The following COG5 variants were observed in gnomAD, a reference collection of about 807,000 sequenced individuals.
COG5 encodes conserved oligomeric Golgi complex subunit 5.
COG5 carries 86 observed loss-of-function variants against 110.4 expected under a neutral mutation model. The ratio of observed to expected loss-of-function variants is 0.78; its 90% CI spans 0.65 to 0.93. The LOEUF (loss-of-function observed/expected upper bound fraction) is 0.93. Among genes scored for constraint, COG5 ranks in the 40% least tolerant of loss-of-function variants. COG5 has a pLI of 0.00. For synonymous variants in COG5, 360 were observed against 334.6 expected, an observed-to-expected ratio of 1.08 and a Z score of -0.83; for missense variants, 1,077 against 987.0, an observed-to-expected ratio of 1.09 and a Z score of -1.22.
At chr7:107,358,087 T>C (rs867006307) in intron 10 of COG5, among the ~76,000 whole-genome samples, 3 of 152,162 alleles carry the variant, frequency 2.0e-5, no homozygotes, top group South Asian at 2.1e-4. Context: ...TGTAATAATA[T>C]TACAAACATA....
chr7:107,271,173 C>T (rs961599661), intron 14 of COG5, among the ~76,000 whole-genome samples: 27 of 152,024 alleles, frequency 1.8e-4, no homozygotes, highest in Admixed American at 7.2e-4. Flanking sequence ...CTTGAGCTCA[C>T]GAGTTCCAGG....
In COG5 at chr7:107,298,331, T is replaced by G; in HGVS notation, c.1124A>C (p.Lys375Thr). Residue 375 changes from lysine to threonine, a missense_variant, in exon 12 of 22, where the codon AAG becomes ACG. Physicochemically the swap from Lys to Thr is moderately conservative, Grantham distance 78. Transcript: ENST00000297135. Reference sequence around the variant, plus strand: ...AGGGTATTCTCCTTCAAATGCCTGCTTCAAAAACATCGAAGCTGCCAAGCA... The same window carrying G: ...AGGGTATTCTCCTTCAAATGCCTGCGTCAAAAACATCGAAGCTGCCAAGCA... ...HMATNSSMFL[K>T]QAFEGEYPKL... is the part of the protein sequence containing the mutation. The G allele has an allele frequency of 6.2e-7, 1 of 1,613,264 alleles. No individual in the cohort carries two copies. The highest frequency in any genetic ancestry group is 8.5e-7 in the Non-Finnish European group (1 of 1,179,520).
intron 14 of COG5, among the ~76,000 whole-genome samples, chr7:107,259,135 A>C (rs1803118290): frequency 6.6e-6 from 1 of 151,148 alleles, no homozygotes; most frequent in South Asian, 2.1e-4. Context: ...GTCATGGTTC[A>C]AATTTAAGAA....
chr7:107,318,387 A>C (rs1584670511), intron 11 of COG5, among the ~76,000 whole-genome samples: 1 of 152,228 alleles, frequency 6.6e-6, no homozygotes, highest in Admixed American at 6.5e-5. Context: ...TCAAAGTACA[A>C]ATTAAATGTA....
At chr7:107,373,668 T>C (rs1290089814) in intron 7 of COG5, among the ~76,000 whole-genome samples, 2 of 152,118 alleles carry the variant, frequency 1.3e-5, no homozygotes, top group Non-Finnish European at 2.9e-5. Flanking sequence ...GAGTGGATTA[T>C]GTCCAGAGTG....
chr7:107,561,439 C>G (rs781015855), intron 1 of COG5, among the ~76,000 whole-genome samples: 19 of 152,086 alleles, frequency 1.2e-4, no homozygotes, highest in Admixed American at 2.0e-4. Flanking sequence ...AAAAGAGCAC[C>G]TAGAGAATTA....
chr7:107,504,764 G>T (rs375635494), intron 6 of COG5, among the ~76,000 whole-genome samples: 1 of 152,022 alleles, frequency 6.6e-6, no homozygotes, highest in Non-Finnish European at 1.5e-5. Flanking sequence ...CCATTTCCTC[G>T]AGGTTTTCTA....
At chr7:107,478,348 C>T (rs187506857) in intron 6 of COG5, among the ~76,000 whole-genome samples, 1 of 151,982 alleles carries the variant, frequency 6.6e-6, no homozygotes, top group East Asian at 1.9e-4. Flanking sequence ...TGACCCAAGT[C>T]AATTTTTAGT....
chr7:107,282,938 T>A (rs1805303523), intron 13 of COG5, among the ~76,000 whole-genome samples: 1 of 152,230 alleles, frequency 6.6e-6, no homozygotes, highest in Admixed American at 6.5e-5. Flanking sequence ...AATGTACAGA[T>A]CTACTATTAT....
chr7:107,418,129 T>G (rs1793016359), intron 6 of COG5, among the ~76,000 whole-genome samples: 1 of 151,700 alleles, frequency 6.6e-6, no homozygotes, highest in Admixed American at 6.6e-5. Context: ...GAGGGTTATC[T>G]AGAAGACTGA....
At chr7:107,249,701 TG>T (rs1403045057) in intron 16 of COG5, among the ~76,000 whole-genome samples, 3 of 126,676 alleles carry the variant, frequency 2.4e-5, no homozygotes, top group African/African-American at 1.3e-4. Flanking sequence ...TGTGTGTGTG[TG>T]TGTGTGTGTG....
chr7:107,224,075 G>C (rs182733011), intron 19 of COG5, among the ~76,000 whole-genome samples: 14 of 152,224 alleles, frequency 9.2e-5, no homozygotes, highest in Non-Finnish European at 2.1e-4. Flanking sequence ...CCTTCTGGCT[G>C]TAACACTGAA....
intron 5 of COG5, among the ~76,000 whole-genome samples, chr7:107,546,249 T>G (rs1192608219): frequency 6.6e-6 from 1 of 152,024 alleles, no homozygotes; most frequent in African/African-American, 2.4e-5. Context: ...CAGCAATAAA[T>G]GTCTACATCA....
chr7:107,230,756 C>T (rs1800717408), intron 18 of COG5, 65 bp from the exon 19 acceptor site: 4 of 1,270,388 alleles, frequency 3.1e-6, no homozygotes, highest in Admixed American at 3.4e-5. Context: ...TGGGAAAGAC[C>T]CGGATCACAG....
chr7:107,561,682 G>C (rs530646713), intron 1 of COG5, among the ~76,000 whole-genome samples: 1 of 152,244 alleles, frequency 6.6e-6, no homozygotes, highest in South Asian at 2.1e-4. Flanking sequence ...TCCTTAGAAC[G>C]GAGCAGAGAC....
intron 13 of COG5, among the ~76,000 whole-genome samples, chr7:107,283,167 T>C (rs1368085359): frequency 6.6e-6 from 1 of 152,152 alleles, no homozygotes; most frequent in Non-Finnish European, 1.5e-5. Flanking sequence ...AAAGTTATAT[T>C]CCTATTTCTG....
Position 107,248,946 on chromosome 7 carries a change from T to A in COG5, c.1750-447A>T, listed in dbSNP as rs141315248. On this transcript the variant is annotated intron_variant, in intron 16 of 21. Coordinates refer to ENST00000297135, the MANE Select transcript of COG5 (RefSeq NM_006348.5). ...TAAACAGACATTGATTCTTTTTTTT[T>A]AACTATTAGGTTCAAGGGTACATGT... 5.3e-5 allele frequency among the ~76,000 whole-genome samples: 8 copies of A among 152,366 alleles called. No individual in the cohort carries two copies. In the East Asian group the frequency reaches 1.3e-3, roughly 26 times the overall value.
At chr7:107,342,844 C>A (rs925908216) in intron 10 of COG5, among the ~76,000 whole-genome samples, 1 of 152,114 alleles carries the variant, frequency 6.6e-6, no homozygotes, top group East Asian at 1.9e-4. Flanking sequence ...AACTACTATT[C>A]AACCCAGCAA....
chr7:107,517,900 G>A (rs1800048657), intron 6 of COG5, among the ~76,000 whole-genome samples: 1 of 152,050 alleles, frequency 6.6e-6, no homozygotes, highest in Non-Finnish European at 1.5e-5. Flanking sequence ...GTTTCACTAT[G>A]TTGGTCAGGC....
Sources: allele counts gnomAD v4.1 joint callset (sites outside exome capture counted in the v4.1 genomes callset), GRCh38; gene constraint gnomAD v4.1.1; transcripts MANE v1.5; gene names NCBI Gene and HGNC (gene_info 2026-07-23, HGNC 2026-07-21).